NEXMIF: variants seen among roughly 807,000 people sequenced by gnomAD.
The protein encoded by NEXMIF is neurite extension and migration factor, also known as XLMR protein related to neurite extension.
A neutral mutation model predicts 62.1 loss-of-function variants in NEXMIF; 8 were observed. That is an observed-to-expected ratio of 0.13 (90% CI 0.08 to 0.23). The LOEUF is 0.23. Among genes scored for constraint, NEXMIF ranks in the 10% least tolerant of loss-of-function variants. NEXMIF has a pLI of 1.00. For synonymous variants in NEXMIF, 404 were observed against 416.6 expected (o/e 0.97, Z 0.37); for missense variants, 976 against 1,113.3 (o/e 0.88, Z 1.75).
At chrX:74,859,773 G>A (rs1187266935) in intron 1 of NEXMIF, among the ~76,000 whole-genome samples, 3 of 111,506 alleles carry the variant, frequency 2.7e-5, no homozygotes, top group Non-Finnish European at 5.7e-5. Flanking sequence ...AAGTTAAGGG[G>A]TAGAGTGTTT....
intron 1 of NEXMIF, among the ~76,000 whole-genome samples, chrX:74,773,221 A>G (rs1016670153): frequency 8.9e-6 from 1 of 112,122 alleles, no homozygotes; most frequent in Non-Finnish European, 1.9e-5. Context: ...TATGGGAAGG[A>G]AAGATTAATG....
At chrX:74,887,124 C>T (rs1196261419) in intron 1 of NEXMIF, among the ~76,000 whole-genome samples, 3 of 112,335 alleles carry the variant, frequency 2.7e-5, no homozygotes, top group East Asian at 2.8e-4. Context: ...TGGATCCCTT[C>T]CTTACACCTT....
intron 1 of NEXMIF, among the ~76,000 whole-genome samples, chrX:74,765,008 A>G (rs1024109373): frequency 9.0e-6 from 1 of 111,486 alleles, no homozygotes; most frequent in Non-Finnish European, 1.9e-5. Context: ...GATCTGTCTA[A>G]TACTGTCAGT....
rs190674258 is a variant in NEXMIF at position 74,879,925 on chromosome X, T to C, written c.-48+44958A>G. Among the ~76,000 whole-genome samples, 9 of 112,097 alleles carry C rather than the reference T, an allele frequency of 8.0e-5. No individual in the cohort carries two copies. In the East Asian group the frequency reaches 2.2e-3, roughly 28 times the overall value. On this transcript the variant is annotated intron_variant, in intron 1 of 3. Coordinates refer to ENST00000055682, the MANE Select transcript of NEXMIF (RefSeq NM_001008537.3). ...TATTTGTACTACTGCTTTTTTCCATTGTCATCGATAATGGGGAAATGATCA... is the reference window on the plus strand; with the variant it reads ...TATTTGTACTACTGCTTTTTTCCATCGTCATCGATAATGGGGAAATGATCA...
chrX:74,848,939 A>G (rs1480921011), intron 1 of NEXMIF, among the ~76,000 whole-genome samples: 1 of 112,153 alleles, frequency 8.9e-6, no homozygotes, highest in African/African-American at 3.2e-5. Context: ...CCAGACACCG[A>G]ATCTACTGAT....
chrX:74,838,683 G>A (rs1331232676), intron 1 of NEXMIF, among the ~76,000 whole-genome samples: 1 of 111,226 alleles, frequency 9.0e-6, no homozygotes, highest in Non-Finnish European at 1.9e-5. Flanking sequence ...TTAAATTGTT[G>A]GTTTTTAAGG....
chrX:74,877,754 C>T (rs959232841), intron 1 of NEXMIF, among the ~76,000 whole-genome samples: 16 of 112,034 alleles, frequency 1.4e-4, no homozygotes, highest in Non-Finnish European at 3.0e-4. Flanking sequence ...TCTTCCATCA[C>T]TGATACCGTT....
intron 1 of NEXMIF, among the ~76,000 whole-genome samples, chrX:74,886,438 T>A (rs1297966148): frequency 2.7e-5 from 3 of 111,968 alleles, no homozygotes; most frequent in Non-Finnish European, 5.6e-5. Flanking sequence ...GCTGATAAGC[T>A]ACTTCAGCAA....
At chrX:74,794,724 G>T (rs1009739322) in intron 1 of NEXMIF, among the ~76,000 whole-genome samples, 2 of 111,657 alleles carry the variant, frequency 1.8e-5, no homozygotes, top group Non-Finnish European at 3.8e-5. Flanking sequence ...ATTCGGGTGG[G>T]AGTGGCCCGA....
rs767601152 is a variant in NEXMIF, at chrX:74,795,800, G to A, written c.-47-50103C>T. 1.1e-4 allele frequency among the ~76,000 whole-genome samples: 12 copies of A among 110,416 alleles called. No individual in the cohort carries two copies. The East Asian group carries it at 1.1e-3, about 10-fold the overall frequency. On this transcript the variant is annotated intron_variant, in intron 1 of 3. Coordinates refer to ENST00000055682, the MANE Select transcript of NEXMIF (RefSeq NM_001008537.3). ...ATAAGTGCACTGAGGAAGGGGGTAC[G>A]AAGCTGATTTAACTTTGAAAAATTG...
chrX:74,782,345 C>T (rs997384319), intron 1 of NEXMIF, among the ~76,000 whole-genome samples: 15 of 111,751 alleles, frequency 1.3e-4, no homozygotes, highest in South Asian at 3.8e-4. Context: ...ACATTAAATG[C>T]TAGTGAGCAA....
chrX:74,790,601 C>A (rs767852040), intron 1 of NEXMIF, among the ~76,000 whole-genome samples: 1 of 113,197 alleles, frequency 8.8e-6, no homozygotes, highest in Non-Finnish European at 1.9e-5. Flanking sequence ...ATTCTTCCTA[C>A]CCATGAGCAT....
chrX:74,877,458 A>C (rs994906059), intron 1 of NEXMIF, among the ~76,000 whole-genome samples: 2 of 110,327 alleles, frequency 1.8e-5, no homozygotes, highest in African/African-American at 6.6e-5. Flanking sequence ...TGAATCTGAC[A>C]ATTATGTGTC....
intron 1 of NEXMIF, among the ~76,000 whole-genome samples, chrX:74,878,651 C>T (rs994673324): frequency 2.7e-5 from 3 of 112,794 alleles, no homozygotes; most frequent in East Asian, 2.8e-4. Context: ...ACTCCGTGGG[C>T]GTAGGATCCT....
chrX:74,817,361 A>C (rs1196498884), intron 1 of NEXMIF, among the ~76,000 whole-genome samples: 1 of 111,757 alleles, frequency 8.9e-6, no homozygotes, highest in Non-Finnish European at 1.9e-5. Flanking sequence ...CAAACTGCAC[A>C]ATCATGACCC....
At chrX:74,904,865 AACAG>A (rs766585098) in intron 1 of NEXMIF, among the ~76,000 whole-genome samples, 3 of 111,007 alleles carry the variant, frequency 2.7e-5, no homozygotes, top group Non-Finnish European at 5.7e-5. Flanking sequence ...GGAATGGGGT[AACAG>A]ACAGGCAAGG....
At chrX:74,797,327 G>C (rs1246131485) in intron 1 of NEXMIF, among the ~76,000 whole-genome samples, 1 of 111,880 alleles carries the variant, frequency 8.9e-6, no homozygotes, top group Non-Finnish European at 1.9e-5. Flanking sequence ...CTGGAGTTTA[G>C]TTAATAGTAA....
intron 1 of NEXMIF, among the ~76,000 whole-genome samples, chrX:74,903,054 G>A (rs745313482): frequency 1.8e-5 from 2 of 110,964 alleles, no homozygotes; most frequent in East Asian, 5.7e-4. Context: ...GAGCTCCCCT[G>A]TATTGAAACT....
At chrX:74,888,594 T>C (rs1261968976) in intron 1 of NEXMIF, among the ~76,000 whole-genome samples, 1 of 110,756 alleles carries the variant, frequency 9.0e-6, no homozygotes, top group East Asian at 2.8e-4. Context: ...CTAATGTAGA[T>C]GACGAGTTGA....
Sources: allele counts gnomAD v4.1 joint callset (sites outside exome capture counted in the v4.1 genomes callset), GRCh38; gene constraint gnomAD v4.1.1; transcripts MANE v1.5; gene names NCBI Gene and HGNC (gene_info 2026-07-23, HGNC 2026-07-21).